The following ADAMTSL1 variants were observed in gnomAD, a reference collection of about 807,000 sequenced individuals.
The protein encoded by ADAMTSL1 is ADAMTS like 1, also known as ADAMTS-like protein 1.
A neutral mutation model predicts 201.8 loss-of-function variants in ADAMTSL1; 126 were observed. The observed-to-expected ratio is 0.62, with a 90% CI of 0.54 to 0.72. The LOEUF (loss-of-function observed/expected upper bound fraction) is 0.72. ADAMTSL1 is among the 30% of genes least tolerant of loss of function. ADAMTSL1 has a pLI of 0.00. For missense variants in ADAMTSL1, 2,679 were observed against 2,277.8 expected, an observed-to-expected ratio of 1.18 and a Z score of -3.59; for synonymous variants, 1,121 against 903.4, an observed-to-expected ratio of 1.24 and a Z score of -4.32.
At chr9:18,739,864 A>G (rs1818716127) in intron 15 of ADAMTSL1, among the ~76,000 whole-genome samples, 1 of 150,916 alleles carries the variant, frequency 6.6e-6, no homozygotes, top group Non-Finnish European at 1.5e-5. Context: ...ATGTGTATCA[A>G]TGCCTGTGTG....
intron 9 of ADAMTSL1, among the ~76,000 whole-genome samples, chr9:18,674,531 A>G (rs17230699): frequency 0.031 from 4,690 of 151,918 alleles, 95 homozygotes; most frequent in Admixed American, 0.077. Context: ...TGTGATCCAC[A>G]CTCACGGCTC....
intron 21 of ADAMTSL1, among the ~76,000 whole-genome samples, chr9:18,824,331 T>C (rs1824399731): frequency 6.6e-6 from 1 of 152,226 alleles, no homozygotes. Context: ...TCCAGGTATC[T>C]TTAGAGATGA....
intron 2 of ADAMTSL1, among the ~76,000 whole-genome samples, chr9:18,343,159 C>G (rs1835546983): frequency 6.6e-6 from 1 of 151,832 alleles, no homozygotes; most frequent in Non-Finnish European, 1.5e-5. Context: ...GATCTTGTCT[C>G]TATAGGAAAT....
intron 2 of ADAMTSL1, among the ~76,000 whole-genome samples, chr9:18,391,378 T>C (rs1419685620): frequency 6.6e-6 from 1 of 152,210 alleles, no homozygotes; most frequent in East Asian, 1.9e-4. Context: ...ATCTTTTATT[T>C]ATTCTATAAT....
chr9:18,509,930 A>G (rs1042905780), intron 2 of ADAMTSL1, among the ~76,000 whole-genome samples: 1 of 152,208 alleles, frequency 6.6e-6, no homozygotes, highest in African/African-American at 2.4e-5. Context: ...CTCCAGATCT[A>G]GGCATCTAAA....
At chr9:18,561,781 C>T (rs1173668340) in intron 3 of ADAMTSL1, among the ~76,000 whole-genome samples, 8 of 152,020 alleles carry the variant, frequency 5.3e-5, no homozygotes, top group Non-Finnish European at 1.5e-5. Flanking sequence ...TATGTAATGC[C>T]CTTCTTTGTC....
At chr9:18,671,812 C>A (rs1279017915) in intron 9 of ADAMTSL1, among the ~76,000 whole-genome samples, 1 of 152,052 alleles carries the variant, frequency 6.6e-6, no homozygotes, top group African/African-American at 2.4e-5. Flanking sequence ...CCAAGGTGGG[C>A]AGATCACGAG....
At position 18,270,672 on chromosome 9, in the gene ADAMTSL1, A is replaced by G. The variant is rs79589705; in HGVS notation, c.207+106691A>G. On this transcript the variant is annotated intron_variant, in intron 2 of 29. Coordinates refer to the ADAMTSL1 transcript ENST00000680146. ...AGATGTAGTAACCTTAAACATATAT[A>G]CTTTCAGAGGTGTGGTAGGGGAAGC... Among the ~76,000 whole-genome samples the G allele has an allele frequency of 6.9e-3, 1,053 of 152,296 alleles. 14 individuals are homozygous for G. The highest frequency in any genetic ancestry group is 0.024 in the East Asian group (123 of 5,180).
At chr9:18,839,211 G>C (rs1425257208) in intron 23 of ADAMTSL1, among the ~76,000 whole-genome samples, 1 of 119,342 alleles carries the variant, frequency 8.4e-6, no homozygotes, top group Non-Finnish European at 1.6e-5. Flanking sequence ...AGTCCCCAGA[G>C]TGTAATGTTC....
chr9:18,528,740 G>C (rs905382379), intron 2 of ADAMTSL1, among the ~76,000 whole-genome samples: 20 of 152,174 alleles, frequency 1.3e-4, no homozygotes, highest in African/African-American at 4.6e-4. Flanking sequence ...ACTTGACCCA[G>C]TTTCTGAGTT....
At chr9:18,477,091 C>G (rs1821490953) in intron 1 of ADAMTSL1, among the ~76,000 whole-genome samples, 1 of 152,142 alleles carries the variant, frequency 6.6e-6, no homozygotes, top group South Asian at 2.1e-4. Context: ...CTACATAATG[C>G]CATTTTCTCA....
intron 2 of ADAMTSL1, among the ~76,000 whole-genome samples, chr9:18,337,901 A>G (rs1255913030): frequency 2.0e-5 from 3 of 152,044 alleles, no homozygotes; most frequent in African/African-American, 7.2e-5. Flanking sequence ...CTCCCTGCCA[A>G]ATGGGAATTC....
At chr9:18,657,896 C>A (rs568576521) in intron 8 of ADAMTSL1, 146 bp downstream of exon 8, 4 of 652,238 alleles carry the variant, frequency 6.1e-6, no homozygotes, top group African/African-American at 1.8e-5. Flanking sequence ...AATCTCGAGG[C>A]CCTCCTGTAA....
intron 3 of ADAMTSL1, among the ~76,000 whole-genome samples, chr9:18,571,993 G>A (rs1172905616): frequency 6.6e-6 from 1 of 152,074 alleles, no homozygotes; most frequent in African/African-American, 2.4e-5. Context: ...AGGAGTTCGA[G>A]ACCAGCCTGG....
chr9:17,956,879 C>T (rs1827952921), intron 1 of ADAMTSL1, among the ~76,000 whole-genome samples: 1 of 152,108 alleles, frequency 6.6e-6, no homozygotes, highest in Admixed American at 6.6e-5. Context: ...TATTGCCCTG[C>T]CCCTGGTTTG....
intron 1 of ADAMTSL1, among the ~76,000 whole-genome samples, chr9:17,918,941 T>G (rs1347335819): frequency 3.9e-5 from 6 of 151,934 alleles, no homozygotes; most frequent in Non-Finnish European, 7.4e-5. Context: ...CTATCCCTAG[T>G]AATGGTCTGT....
chr9:18,426,434 A>G (rs918496126), intron 2 of ADAMTSL1, among the ~76,000 whole-genome samples: 6 of 152,236 alleles, frequency 3.9e-5, no homozygotes, highest in Non-Finnish European at 7.3e-5. Context: ...CAAATGTGTA[A>G]GAGGTATAAA....
rs574346956 is a variant in ADAMTSL1, at chr9:18,358,714, T to C, written c.208-146115T>C. The stretch of plus-strand genomic sequence containing the variant: ...ATTGCATGTATCCATACTGCATTCC[T>C]TTTTATGCCTAAATAGTGTTCTATT... On this transcript the variant is annotated intron_variant, in intron 2 of 29. Coordinates refer to the ADAMTSL1 transcript ENST00000680146. Among the ~76,000 whole-genome samples, 37 of 152,348 alleles carry C rather than the reference T, an allele frequency of 2.4e-4. 2 individuals carry two copies. The South Asian group carries it at 6.4e-3, about 26-fold the overall frequency.
At chr9:18,636,088 A>G (rs1435006720) in intron 6 of ADAMTSL1, 71 bp downstream of exon 6, 2 of 1,253,036 alleles carry the variant, frequency 1.6e-6, no homozygotes, top group Admixed American at 5.3e-5. Flanking sequence ...GTCTTCCCAG[A>G]AAAGATTAAA....
Sources: gnomAD v4.1 joint callset for allele counts (sites outside exome capture counted in the v4.1 genomes callset) on GRCh38, gnomAD v4.1.1 for gene constraint, MANE v1.5 for transcripts, NCBI Gene and HGNC (gene_info 2026-07-23, HGNC 2026-07-21) for gene names.